Variants in MLLT10 observed in about 807,000 individuals in gnomAD.
MLLT10 encodes the protein protein AF-10.
A neutral mutation model predicts 129.1 loss-of-function variants in MLLT10; 30 were observed. The observed-to-expected ratio is 0.23, with a 90% CI of 0.17 to 0.32. MLLT10 has a LOEUF of 0.32. Among genes scored for constraint, MLLT10 ranks in the 10% least tolerant of loss-of-function variants. The pLI, the probability that MLLT10 is intolerant of heterozygous loss-of-function variation, is 1.00. For synonymous variants in MLLT10, 490 were observed against 446.4 expected (o/e 1.10, Z -1.23); for missense variants, 1,119 against 1,268.3 (o/e 0.88, Z 1.79).
chr10:21,736,760 G>A (rs138411942), intron 21 of MLLT10, among the ~76,000 whole-genome samples: 1 of 152,188 alleles, frequency 6.6e-6, no homozygotes, highest in Non-Finnish European at 1.5e-5. Flanking sequence ...AGATGTACAA[G>A]TCAAATGGAG....
chr10:21,736,943 G>A (rs1470828153), intron 21 of MLLT10, among the ~76,000 whole-genome samples: 1 of 152,188 alleles, frequency 6.6e-6, no homozygotes, highest in Non-Finnish European at 1.5e-5. Flanking sequence ...AGTAAAGAAA[G>A]GCTATTGAGA....
intron 3 of MLLT10, among the ~76,000 whole-genome samples, chr10:21,577,596 C>G (rs530892359): frequency 6.6e-6 from 1 of 151,646 alleles, no homozygotes. Context: ...CTCAGCCTCC[C>G]GAGTAGCTGG....
At chr10:21,649,120 G>A (rs1347017657) in intron 8 of MLLT10, among the ~76,000 whole-genome samples, 2 of 152,130 alleles carry the variant, frequency 1.3e-5, no homozygotes, top group East Asian at 3.8e-4. Flanking sequence ...CTGTCACCCA[G>A]GTTGGAGTGC....
At chr10:21,650,771 A>G (rs2048944198) in intron 8 of MLLT10, among the ~76,000 whole-genome samples, 1 of 152,144 alleles carries the variant, frequency 6.6e-6, no homozygotes, top group South Asian at 2.1e-4. Context: ...TTTTTATTTT[A>G]TTGAATTCCT....
At chr10:21,710,502 A>G (rs2055971466) in intron 13 of MLLT10, among the ~76,000 whole-genome samples, 1 of 152,196 alleles carries the variant, frequency 6.6e-6, no homozygotes, top group Non-Finnish European at 1.5e-5. Context: ...TTAAAATTTC[A>G]ACCATAGTGC....
rs1375325970 is a variant in MLLT10, at chr10:21,735,131, T to C, written c.2859-8T>C. The C allele has an allele frequency of 6.2e-7, 1 of 1,607,036 alleles. No individual in the cohort carries two copies. Among genetic ancestry groups the C allele is most frequent in the African/African-American group, 1.3e-5 (1 of 74,730 alleles). On this transcript the variant is annotated splice_polypyrimidine_tract_variant and splice_region_variant and intron_variant, in intron 20 of 22. Coordinates refer to ENST00000307729, the MANE Select transcript of MLLT10 (RefSeq NM_001195626.3). ...TAGTAAAAAGTAAGAATTGTAATCA[T>C]TTTTCAGTGCCTCAGGACTAGGATT... is the stretch of plus-strand genomic sequence containing the variant.
chr10:21,620,962 C>T (rs1249450111), intron 8 of MLLT10, among the ~76,000 whole-genome samples: 1 of 150,590 alleles, frequency 6.6e-6, no homozygotes, highest in Admixed American at 6.6e-5. Flanking sequence ...GGATTTCAGG[C>T]GTGAGCCACC....
Position 21,534,495 on chromosome 10 carries a change from G to A in MLLT10, c.-26G>A, listed in dbSNP as rs1232979900. On this transcript the variant is annotated 5_prime_UTR_variant, in exon 1 of 23. It adds an upstream start codon to the 5' untranslated region. Transcript: ENST00000307729. ...ATGGCTCCTGACTCCTGTGCGGAAC[G>A]TGAGTGACTGAGCGGCAAAGCCCGA... 2.6e-6 allele frequency: 2 copies of A among 771,594 alleles called. No individual in the cohort carries two copies. Among genetic ancestry groups the A allele is most frequent in the Non-Finnish European group, 2.0e-6 (1 of 493,940 alleles). 47.8% of individuals were successfully genotyped at this position (771,594 alleles called of 1,614,324 possible). A position where few individuals can be genotyped will look rare whatever the true frequency, so the allele number is the denominator to read the frequency against.
intron 13 of MLLT10, among the ~76,000 whole-genome samples, chr10:21,702,411 T>C (rs2055016931): frequency 6.6e-6 from 1 of 152,204 alleles, no homozygotes; most frequent in Non-Finnish European, 1.5e-5. Context: ...AGTTGTTGGA[T>C]AAAATGTTTT....
intron 11 of MLLT10, 89 bp from the exon 12 acceptor site, chr10:21,681,243 T>TTCCC (rs2052708058): frequency 1.3e-6 from 2 of 1,538,728 alleles, no homozygotes; most frequent in African/African-American, 2.8e-5. Context: ...TTAGGTGAAT[T>TTCCC]TCCCTCCATT....
intron 21 of MLLT10, among the ~76,000 whole-genome samples, chr10:21,735,847 C>T (rs1053294440): frequency 2.6e-5 from 4 of 152,098 alleles, no homozygotes; most frequent in Non-Finnish European, 4.4e-5. Context: ...CTTAGATGAT[C>T]GCATACAGCC....
intron 3 of MLLT10, among the ~76,000 whole-genome samples, chr10:21,553,165 G>A (rs913900939): frequency 2.0e-5 from 3 of 152,080 alleles, no homozygotes; most frequent in Non-Finnish European, 4.4e-5. Flanking sequence ...ATAAATTAGG[G>A]TTTTGCATGG....
chr10:21,717,031 T>C (rs931002417), intron 14 of MLLT10, among the ~76,000 whole-genome samples: 1 of 150,902 alleles, frequency 6.6e-6, no homozygotes, highest in Admixed American at 6.6e-5. Context: ...CCGAGGCGGG[T>C]GGATCACCTG....
intron 8 of MLLT10, among the ~76,000 whole-genome samples, chr10:21,629,663 T>C (rs1044188829): frequency 1.3e-5 from 2 of 152,060 alleles, no homozygotes; most frequent in Admixed American, 1.3e-4. Flanking sequence ...AAAGAGTAGG[T>C]TGAGTAGTAG....
At position 21,727,948 on chromosome 10, in the gene MLLT10, C is replaced by A; in HGVS notation, c.2063+20C>A. 1 of 1,608,824 alleles carries A rather than the reference C, an allele frequency of 6.2e-7. No individual in the cohort carries two copies. The highest frequency in any genetic ancestry group is 8.5e-7 in the Non-Finnish European group (1 of 1,175,710). ...GCCACGGTAAGCGCTATTTACACTG[C>A]AAAGTATAGGCAAAGGAAACGTTTG... On this transcript the variant is annotated intron_variant, in intron 16 of 22. Coordinates refer to ENST00000307729, the MANE Select transcript of MLLT10 (RefSeq NM_001195626.3).
intron 2 of MLLT10, 28 bp downstream of exon 2, chr10:21,534,832 C>T (rs376333588): frequency 1.9e-6 from 3 of 1,542,148 alleles, no homozygotes; most frequent in Non-Finnish European, 2.6e-6. Flanking sequence ...CGCCGGGGCG[C>T]GCCGGCCTGC....
chr10:21,571,256 G>C (rs180736821), intron 3 of MLLT10, among the ~76,000 whole-genome samples: 1 of 152,098 alleles, frequency 6.6e-6, no homozygotes, highest in African/African-American at 2.4e-5. Context: ...CCTTTACATT[G>C]CAAGTGCTGA....
chr10:21,710,345 A>G (rs1354806822), intron 13 of MLLT10, among the ~76,000 whole-genome samples: 1 of 152,222 alleles, frequency 6.6e-6, no homozygotes, highest in Non-Finnish European at 1.5e-5. Context: ...TAAAGTCTCT[A>G]TGCCCTGTTC....
rs141375541 is a variant in MLLT10, at chr10:21,673,438, A to G, written c.1140A>G (p.Ser380=). ...AGGATTTCCTGAGCTTTACAGACTCAGATCTGCGTAATGACAGTTACTCTC... is the reference window on the plus strand; with the variant it reads ...AGGATTTCCTGAGCTTTACAGACTCGGATCTGCGTAATGACAGTTACTCTC... ...SPQDFLSFTD[S]DLRNDSYSHS... is the part of the protein sequence containing the mutation. The change falls in exon 11 of 23, where the codon TCA becomes TCG. Residue 380 remains serine (S), a synonymous_variant. Transcript: ENST00000307729. The G allele has an allele frequency of 9.9e-5, 159 of 1,613,240 alleles. No homozygotes were observed. Among genetic ancestry groups the G allele is most frequent in the Non-Finnish European group, 1.3e-4 (153 of 1,179,914 alleles).
Sources: gnomAD v4.1 joint callset for allele counts (sites outside exome capture counted in the v4.1 genomes callset) on GRCh38, gnomAD v4.1.1 for gene constraint, MANE v1.5 for transcripts, NCBI Gene and HGNC (gene_info 2026-07-23, HGNC 2026-07-21) for gene names.